Variants in MACROD2 observed in about 807,000 individuals in gnomAD.
MACROD2 encodes ADP-ribose glycohydrolase MACROD2.
MACROD2 carries 36 observed loss-of-function variants against 70.4 expected under a neutral mutation model. The ratio of observed to expected loss-of-function variants is 0.51; its 90% CI spans 0.39 to 0.68. MACROD2 has a LOEUF of 0.68. MACROD2 is among the 30% of genes least tolerant of loss of function. The pLI is 0.00. For missense variants in MACROD2, 496 were observed against 538.4 expected (o/e 0.92, Z 0.78); for synonymous variants, 172 against 178.8 (o/e 0.96, Z 0.30).
chr20:15,450,434 A>AT (rs1046283182), intron 7 of MACROD2, among the ~76,000 whole-genome samples: 1 of 151,926 alleles, frequency 6.6e-6, no homozygotes, highest in Non-Finnish European at 1.5e-5. Flanking sequence ...TTATAAGGTA[A>AT]TTTTTTATGA....
intron 3 of MACROD2, among the ~76,000 whole-genome samples, chr20:14,141,688 G>A (rs1185501907): frequency 7.1e-6 from 1 of 140,970 alleles, no homozygotes; most frequent in Non-Finnish European, 1.5e-5. Context: ...GAGGTTGCAG[G>A]GAGCCGAGAC....
intron 3 of MACROD2, among the ~76,000 whole-genome samples, chr20:14,096,161 G>C (rs1412447647): frequency 2.0e-5 from 3 of 152,004 alleles, no homozygotes; most frequent in Non-Finnish European, 4.4e-5. Flanking sequence ...TTTTCTCCAC[G>C]TACAGATGGA....
chr20:15,882,962 A>G (rs1370163670), intron 9 of MACROD2, among the ~76,000 whole-genome samples: 2 of 151,952 alleles, frequency 1.3e-5, no homozygotes, highest in African/African-American at 4.8e-5. Context: ...ACACTTTTTA[A>G]TAGCATTGAC....
chr20:14,736,187 A>T (rs1293703216), intron 5 of MACROD2, among the ~76,000 whole-genome samples: 1 of 152,202 alleles, frequency 6.6e-6, no homozygotes, highest in Non-Finnish European at 1.5e-5. Context: ...AACAATGGAG[A>T]TGAACCTCAG....
chr20:14,844,544 G>A (rs1421644085), intron 5 of MACROD2, among the ~76,000 whole-genome samples: 2 of 151,726 alleles, frequency 1.3e-5, no homozygotes, highest in African/African-American at 4.8e-5. Flanking sequence ...AAATAAAAAC[G>A]CTGATAGAAG....
At chr20:14,377,057 G>C (rs1296663931) in intron 3 of MACROD2, among the ~76,000 whole-genome samples, 2 of 152,120 alleles carry the variant, frequency 1.3e-5, no homozygotes, top group African/African-American at 4.8e-5. Context: ...TTAGCTTGCT[G>C]TGGGACCTTG....
At chr20:14,254,106 G>T (rs531393146) in intron 3 of MACROD2, among the ~76,000 whole-genome samples, 2 of 151,858 alleles carry the variant, frequency 1.3e-5, no homozygotes, top group African/African-American at 4.8e-5. Context: ...TTTTCTGAAA[G>T]AATATGTAAA....
chr20:14,643,652 ATTAAG>A (rs1985216726), intron 4 of MACROD2, among the ~76,000 whole-genome samples: 2 of 152,334 alleles, frequency 1.3e-5, no homozygotes, highest in Middle Eastern at 3.4e-3. Context: ...GAAAGGAGAT[ATTAAG>A]TTAAGTGTGT....
chr20:15,717,048 G>A (rs2050717280), intron 8 of MACROD2, among the ~76,000 whole-genome samples: 1 of 152,148 alleles, frequency 6.6e-6, no homozygotes, highest in Non-Finnish European at 1.5e-5. Context: ...TCTCTAGGTT[G>A]GTTGTAACTG....
chr20:15,221,613 CA>C (rs2076862249), intron 5 of MACROD2, among the ~76,000 whole-genome samples: 2 of 152,158 alleles, frequency 1.3e-5, no homozygotes, highest in Admixed American at 1.3e-4. Flanking sequence ...GTCCCATCAA[CA>C]AGGTCAGTCT....
At chr20:15,409,168 C>A (rs2046043901) in intron 6 of MACROD2, among the ~76,000 whole-genome samples, 1 of 152,100 alleles carries the variant, frequency 6.6e-6, no homozygotes, top group South Asian at 2.1e-4. Context: ...AATAATATAA[C>A]CACTACTTGA....
At chr20:14,068,348 C>T (rs947705047) in intron 2 of MACROD2, among the ~76,000 whole-genome samples, 3 of 148,684 alleles carry the variant, frequency 2.0e-5, no homozygotes, top group African/African-American at 7.5e-5. Context: ...ATATAAGGAT[C>T]TCATATTTGA....
intron 5 of MACROD2, among the ~76,000 whole-genome samples, chr20:14,864,174 T>C (rs1373512094): frequency 1.3e-5 from 2 of 152,168 alleles, no homozygotes; most frequent in Admixed American, 1.3e-4. Flanking sequence ...TAACATGTCC[T>C]TTTCTTGCTG....
chr20:14,307,314 C>G (rs75597797), intron 3 of MACROD2, among the ~76,000 whole-genome samples: 2,295 of 152,190 alleles, frequency 0.015, 24 homozygotes, highest in African/African-American at 0.027. Flanking sequence ...GACCTAAACT[C>G]ATAACATGGA....
intron 12 of MACROD2, among the ~76,000 whole-genome samples, chr20:15,958,008 A>G (rs2147383206): frequency 6.6e-6 from 1 of 152,360 alleles, no homozygotes; most frequent in Admixed American, 6.5e-5. Context: ...AGAGGTTATC[A>G]CAAATATGTT....
At chr20:15,407,129 CT>C (rs1419709090) in intron 6 of MACROD2, among the ~76,000 whole-genome samples, 11 of 152,324 alleles carry the variant, frequency 7.2e-5, no homozygotes, top group African/African-American at 2.6e-4. Flanking sequence ...GCCCTTCAGC[CT>C]ACTCAGGGTG....
At chr20:15,934,643 C>T (rs2065629999) in intron 11 of MACROD2, among the ~76,000 whole-genome samples, 1 of 152,100 alleles carries the variant, frequency 6.6e-6, no homozygotes, top group African/African-American at 2.4e-5. Context: ...AGGTTTTATT[C>T]ACTCACTATC....
chr20:15,854,709 A>G (rs1382244784), intron 8 of MACROD2, among the ~76,000 whole-genome samples: 1 of 152,186 alleles, frequency 6.6e-6, no homozygotes, highest in East Asian at 1.9e-4. Context: ...AGGAGGGACT[A>G]GGACCCAGGC....
intron 8 of MACROD2, among the ~76,000 whole-genome samples, chr20:15,685,844 T>C (rs1304960160): frequency 6.6e-6 from 1 of 152,178 alleles, no homozygotes; most frequent in Admixed American, 6.5e-5. Flanking sequence ...TGCACCGACC[T>C]CATCACTTTG....
Sources: allele counts gnomAD v4.1 joint callset (sites outside exome capture counted in the v4.1 genomes callset), GRCh38; gene constraint gnomAD v4.1.1; transcripts MANE v1.5; gene names NCBI Gene and HGNC (gene_info 2026-07-23, HGNC 2026-07-21).